Variants in KCNK2 observed in about 807,000 individuals in gnomAD.
KCNK2 encodes the protein potassium two pore domain channel subfamily K member 2, also known as potassium channel subfamily K member 2.
In KCNK2, 21 loss-of-function variants were observed where a neutral mutation model predicts 40.5. That is an observed-to-expected ratio of 0.52 (90% CI 0.37 to 0.75). The LOEUF (loss-of-function observed/expected upper bound fraction) is 0.75, where lower values mean the gene tolerates loss of function less well. Among genes scored for constraint, KCNK2 ranks in the 30% least tolerant of loss-of-function variants. The probability of loss-of-function intolerance (pLI) is 0.00; values close to 1 mark genes in which losing one functional copy is unlikely to be tolerated. For synonymous variants in KCNK2, 191 were observed against 202.2 expected, an observed-to-expected ratio of 0.94 and a Z score of 0.47; for missense variants, 399 against 531.6, an observed-to-expected ratio of 0.75 and a Z score of 2.45.
chr1:215,215,200 ATT>A (rs5780820), intron 6 of KCNK2, among the ~76,000 whole-genome samples: 9 of 148,914 alleles, frequency 6.0e-5, no homozygotes, highest in South Asian at 2.1e-4. Flanking sequence ...AGCTGGGGGG[ATT>A]TTTTTTTTTC....
intron 6 of KCNK2, among the ~76,000 whole-genome samples, chr1:215,231,104 C>CGAGAAAATTCAGTCAA (rs1666644548): frequency 6.6e-6 from 1 of 152,058 alleles, no homozygotes; most frequent in South Asian, 2.1e-4. Flanking sequence ...TGAAACTTCT[C>CGAGAAAATTCAGTCAA]GAGAAAATTC....
At position 215,067,056 on chromosome 1, in the gene KCNK2, GA is replaced by G. The variant is rs570538685; in HGVS notation, c.35-19305del. Among the ~76,000 whole-genome samples the G allele has an allele frequency of 1.8e-3, 271 of 151,994 alleles. 1 individual carries two copies. Among genetic ancestry groups the G allele is most frequent in the African/African-American group, 6.2e-3 (259 of 41,472 alleles). ...GTGGTTATTTTGTGGAGAGGGGAAA[GA>G]AAAAAACGAACGGGGTGGGCTGGGC... On this transcript the variant is annotated intron_variant, in intron 1 of 6. Transcript: ENST00000391895.
intron 6 of KCNK2, among the ~76,000 whole-genome samples, chr1:215,209,242 AT>A (rs1665457049): frequency 7.9e-6 from 1 of 126,110 alleles, no homozygotes; most frequent in Non-Finnish European, 1.6e-5. Context: ...ATATATATAA[AT>A]ATACACATAT....
chr1:215,039,949 G>A (rs1657510630), intron 1 of KCNK2, among the ~76,000 whole-genome samples: 1 of 152,086 alleles, frequency 6.6e-6, no homozygotes, highest in Non-Finnish European at 1.5e-5. Flanking sequence ...ACTGGAGACT[G>A]AGCAATCTGG....
chr1:215,027,645 T>C (rs1657043946), intron 1 of KCNK2, among the ~76,000 whole-genome samples: 1 of 152,232 alleles, frequency 6.6e-6, no homozygotes, highest in Admixed American at 6.5e-5. Flanking sequence ...ATTTAAAATA[T>C]TCACATGTAC....
chr1:215,033,893 G>T (rs147795698), intron 1 of KCNK2, among the ~76,000 whole-genome samples: 412 of 152,276 alleles, frequency 2.7e-3, no homozygotes, highest in South Asian at 0.014. Context: ...ATTCACTGTT[G>T]TGAGTCTCCT....
At chr1:215,041,451 G>A (rs1007390498) in intron 1 of KCNK2, among the ~76,000 whole-genome samples, 5 of 152,262 alleles carry the variant, frequency 3.3e-5, no homozygotes, top group African/African-American at 1.2e-4. Context: ...TGTTTCTTGT[G>A]AGCAATTCTG....
At chr1:215,106,138 A>G (rs1391979548) in intron 2 of KCNK2, among the ~76,000 whole-genome samples, 1 of 152,088 alleles carries the variant, frequency 6.6e-6, no homozygotes, top group Non-Finnish European at 1.5e-5. Context: ...TGGTAGTTCT[A>G]TTTAAAATTC....
intron 2 of KCNK2, among the ~76,000 whole-genome samples, chr1:215,091,652 T>G (rs1013399928): frequency 2.0e-5 from 3 of 152,222 alleles, no homozygotes; most frequent in Non-Finnish European, 2.9e-5. Context: ...GAAGGTAATA[T>G]GTTTGATAGA....
At chr1:215,187,031 G>T (rs1359414538) in intron 5 of KCNK2, among the ~76,000 whole-genome samples, 1 of 152,138 alleles carries the variant, frequency 6.6e-6, no homozygotes, top group Non-Finnish European at 1.5e-5. Context: ...GTGCAGTGGT[G>T]TGATCGTGGC....
chr1:215,181,311 A>T (rs558244475), intron 5 of KCNK2, among the ~76,000 whole-genome samples: 4 of 152,074 alleles, frequency 2.6e-5, no homozygotes, highest in Non-Finnish European at 5.9e-5. Flanking sequence ...GCTTTTGTTA[A>T]GCTTCCTTGC....
chr1:215,170,336 C>T (rs1420740367), intron 4 of KCNK2, among the ~76,000 whole-genome samples: 1 of 151,964 alleles, frequency 6.6e-6, no homozygotes, highest in Non-Finnish European at 1.5e-5. Context: ...AATGAAAATG[C>T]TTTTGTTAGA....
At chr1:215,066,419 T>C (rs191109778) in intron 1 of KCNK2, among the ~76,000 whole-genome samples, 26 of 152,210 alleles carry the variant, frequency 1.7e-4, no homozygotes, top group African/African-American at 6.0e-4. Flanking sequence ...GTAACCAAAA[T>C]CAATATGGAT....
At chr1:215,066,149 A>G (rs897440382) in intron 1 of KCNK2, among the ~76,000 whole-genome samples, 3 of 152,166 alleles carry the variant, frequency 2.0e-5, no homozygotes, top group African/African-American at 7.2e-5. Flanking sequence ...TAACATTAGG[A>G]GAAATACCTA....
chr1:215,136,212 C>T (rs530001896), intron 3 of KCNK2, among the ~76,000 whole-genome samples: 1 of 152,182 alleles, frequency 6.6e-6, no homozygotes, highest in Admixed American at 6.5e-5. Context: ...TCTCCTGCCT[C>T]AATCTCCTGA....
chr1:215,040,002 C>T (rs1331699392), intron 1 of KCNK2, among the ~76,000 whole-genome samples: 1 of 152,066 alleles, frequency 6.6e-6, no homozygotes, highest in African/African-American at 2.4e-5. Flanking sequence ...ATTCTTTGGA[C>T]ATTTTTACAA....
At chr1:215,086,271 G>A (rs1322572303) in intron 1 of KCNK2, 97 bp from the exon 2 acceptor site, 19 of 983,048 alleles carry the variant, frequency 1.9e-5, no homozygotes, top group African/African-American at 8.1e-5. Context: ...GAGAGCGAGC[G>A]GAATTCAATC....
chr1:215,076,814 G>T (rs1013710137), intron 1 of KCNK2, among the ~76,000 whole-genome samples: 4 of 152,164 alleles, frequency 2.6e-5, no homozygotes, highest in African/African-American at 9.7e-5. Context: ...TGAGTTATTT[G>T]TCATTTTCTC....
intron 3 of KCNK2, among the ~76,000 whole-genome samples, chr1:215,155,101 C>T (rs1037795024): frequency 1.3e-5 from 2 of 152,048 alleles, no homozygotes; most frequent in African/African-American, 4.8e-5. Flanking sequence ...TTTAATCCAT[C>T]TGATAATATT....
Sources: gnomAD v4.1 joint callset for allele counts (sites outside exome capture counted in the v4.1 genomes callset) on GRCh38, gnomAD v4.1.1 for gene constraint, MANE v1.5 for transcripts, NCBI Gene and HGNC (gene_info 2026-07-23, HGNC 2026-07-21) for gene names.